The following BEGAIN variants were observed in gnomAD, a reference collection of about 807,000 sequenced individuals.
BEGAIN encodes brain enriched guanylate kinase associated, also known as brain-enriched guanylate kinase-associated protein.
BEGAIN carries 19 observed loss-of-function variants against 35.8 expected under a neutral mutation model. That is an observed-to-expected ratio of 0.53 (90% CI 0.37 to 0.78). The LOEUF (loss-of-function observed/expected upper bound fraction) is 0.78, where lower values mean the gene tolerates loss of function less well. BEGAIN is among the 30% of genes least tolerant of loss of function. The probability of loss-of-function intolerance (pLI) is 0.00; values close to 1 mark genes in which losing one functional copy is unlikely to be tolerated. For synonymous variants in BEGAIN, 462 were observed against 388.6 expected (o/e 1.19, Z -2.22); for missense variants, 795 against 853.6 (o/e 0.93, Z 0.85).
At chr14:100,547,209 T>C (rs931733787) in intron 2 of BEGAIN, 1 of 152,310 alleles carries the variant, frequency 6.6e-6, no homozygotes, top group African/African-American at 2.4e-5. Context: ...GGGTCACTTC[T>C]CTGGGCCAGA....
chr14:100,551,153 C>T (rs10136621), intron 2 of BEGAIN, among the ~76,000 whole-genome samples: 4,878 of 152,284 alleles, frequency 0.032, 246 homozygotes, highest in African/African-American at 0.1. Flanking sequence ...CACCCTGCCC[C>T]GGGGCCCCTG....
In BEGAIN at chr14:100,558,360, A is replaced by C. The variant is rs1368986724; in HGVS notation, c.71+9551T>G. 6.6e-6 allele frequency among the ~76,000 whole-genome samples: 1 copy of C among 151,256 alleles called. No homozygotes were observed. The highest frequency in any genetic ancestry group is 6.6e-5 in the Admixed American group (1 of 15,202). ...ACATGCTGCCTCTCCCTGCTCCCGCACCTCCCACCCTCACTGCGCTCTCCG... is the reference window on the plus strand; with the variant it reads ...ACATGCTGCCTCTCCCTGCTCCCGCCCCTCCCACCCTCACTGCGCTCTCCG... On this transcript the variant is annotated intron_variant, in intron 2 of 6. Transcript: ENST00000554140. This position sits in a 1 kb window ranked among gnomAD's most constrained non-coding sequence, Gnocchi z 4.6.
rs373735168 is a variant in BEGAIN, at chr14:100,538,363, C to T, written c.1445G>A (p.Arg482His). The T allele has an allele frequency of 6.6e-6, 10 of 1,510,834 alleles. No individual in the cohort carries two copies. The highest frequency in any genetic ancestry group is 6.6e-5 in the Admixed American group (3 of 45,540). 93.6% of individuals were successfully genotyped at this position (1,510,834 alleles called of 1,614,324 possible). ...GTAGCTGGCGTAGAGCGGGCTGGCG[C>T]GGCCGTCGGCCTTCTTGCCCGGGCT... is the stretch of plus-strand genomic sequence containing the variant. The part of the protein sequence containing the change: ...GGSPGKKADG[R>H]ASPLYASYKA... The change falls in exon 7 of 7, where the codon CGC (arginine) becomes CAC (histidine). Residue 482 changes from arginine (R) to histidine (H), a missense_variant. Physicochemically the swap from Arg to His is conservative, Grantham distance 29 (BLOSUM62 0). Transcript: ENST00000554140.
rs1238908749 is a variant in BEGAIN at position 100,585,229 on chromosome 14, ATCCCTCCC to A, written c.42+2012_42+2019del. On this transcript the variant is annotated intron_variant, in intron 1 of 6. Transcript: ENST00000554140. ...CATCCATCCATCCATCCATCCATCC[ATCCCTCCC>A]TCCCTCCCTCCCTCCCATCCATCCA... is the stretch of plus-strand genomic sequence containing the variant. 2.6e-3 allele frequency among the ~76,000 whole-genome samples: 52 copies of A among 20,070 alleles called. No homozygotes were observed. In the East Asian group the frequency reaches 0.029, roughly 11 times the overall value. 13.2% of individuals were successfully genotyped at this position (20,070 alleles called of 152,430 possible). A position where few individuals can be genotyped will look rare whatever the true frequency, so the allele number is the denominator to read the frequency against.
At chr14:100,541,554 C>T (rs2031613617) in intron 5 of BEGAIN, among the ~76,000 whole-genome samples, 1 of 152,234 alleles carries the variant, frequency 6.6e-6, no homozygotes, top group Non-Finnish European at 1.5e-5. Context: ...CTCCCTGGGC[C>T]TCCTAGGAAC....
chr14:100,561,494 A>T (rs1005855507), intron 2 of BEGAIN, among the ~76,000 whole-genome samples: 2 of 152,118 alleles, frequency 1.3e-5, no homozygotes, highest in African/African-American at 4.8e-5. Context: ...CATGTCTGTA[A>T]TCCCAGCACT....
At chr14:100,557,978 G>A (rs2139621445) in intron 2 of BEGAIN, among the ~76,000 whole-genome samples, 1 of 152,276 alleles carries the variant, frequency 6.6e-6, no homozygotes, top group South Asian at 2.1e-4. Context: ...GTTACTTACA[G>A]ACCAACCAGG....
rs113306661 is a variant in BEGAIN at position 100,556,971 on chromosome 14, C to T, written c.72-10309G>A. On this transcript the variant is annotated intron_variant, in intron 2 of 6. Coordinates refer to ENST00000554140, the MANE Select transcript of BEGAIN (RefSeq NM_001385089.1). ...CCAACCTGGATTGTAGAGGAAGAGC[C>T]CAGGCCCTGGGTAGCTGCATGGCTG... is the stretch of plus-strand genomic sequence containing the variant. 4.3e-3 allele frequency among the ~76,000 whole-genome samples: 652 copies of T among 152,362 alleles called. 5 individuals are homozygous for T. The highest frequency in any genetic ancestry group is 0.011 in the African/African-American group (476 of 41,588).
At chr14:100,545,688 ATTAC>A (rs1182116037) in intron 3 of BEGAIN, among the ~76,000 whole-genome samples, 2 of 152,142 alleles carry the variant, frequency 1.3e-5, no homozygotes, top group African/African-American at 4.8e-5. Flanking sequence ...TGAAACTTTA[ATTAC>A]TTAAAGCAGT....
At position 100,539,141 on chromosome 14, in the gene BEGAIN, C is replaced by T. The variant is rs771833592; in HGVS notation, c.667G>A (p.Ala223Thr). The T allele has an allele frequency of 3.1e-6, 5 of 1,601,574 alleles. No individual in the cohort carries two copies. Among genetic ancestry groups the T allele is most frequent in the Admixed American group, 3.4e-5 (2 of 59,170 alleles). Residue 223 changes from alanine to threonine, a missense_variant, in exon 7 of 7, where the codon GCC (alanine) becomes ACC (threonine). By Grantham distance (58) the Ala-to-Thr change is moderately conservative. Transcript: ENST00000554140. ...CCGTCGCAGAAGGCCAGGTCGCGGGCGGAGGCATCGGACAGGCGGGAGGAC... is the reference window on the plus strand; with the variant it reads ...CCGTCGCAGAAGGCCAGGTCGCGGGTGGAGGCATCGGACAGGCGGGAGGAC... ...SLSSRLSDAS[A>T]RDLAFCDGVE...
intron 1 of BEGAIN, chr14:100,569,052 AAGGCCCGGCCCCGGGGCCTCGGCC>A (rs2034966081): frequency 4.7e-6 from 3 of 638,372 alleles, no homozygotes; most frequent in Non-Finnish European, 5.8e-6. Context: ...GCCAAGCTAG[AAGGCCCGGCCCCGGGGCCTCGGCC>A]AGGCTCGGCC....
rs2034748911 is a variant in BEGAIN, at chr14:100,567,080, G to A, written c.71+831C>T. 6.6e-6 allele frequency among the ~76,000 whole-genome samples: 1 copy of A among 152,188 alleles called. No individual in the cohort carries two copies. Among genetic ancestry groups the A allele is most frequent in the Non-Finnish European group, 1.5e-5 (1 of 68,020 alleles). On this transcript the variant is annotated intron_variant, in intron 2 of 6. Transcript: ENST00000554140. This position sits in a 1 kb window ranked among gnomAD's most constrained non-coding sequence, Gnocchi z 5.1. The stretch of plus-strand genomic sequence containing the variant: ...CTCGGGAGGGAGTGGCGAGGACGGA[G>A]ACCCTGTGGGCCAGGGGAGACAGTG...
intron 1 of BEGAIN, among the ~76,000 whole-genome samples, chr14:100,575,941 G>A (rs990098040): frequency 1.3e-5 from 2 of 152,158 alleles, no homozygotes; most frequent in African/African-American, 2.4e-5. Flanking sequence ...CCAGAGGACG[G>A]TCTGCGTGGT....
intron 5 of BEGAIN, 115 bp from the exon 6 acceptor site, chr14:100,540,694 C>T (rs1595106370): frequency 2.7e-6 from 2 of 733,484 alleles, no homozygotes; most frequent in Non-Finnish European, 4.6e-6. Context: ...GCTGTGCGCT[C>T]AGCAGGACAA....
chr14:100,577,365 C>T, intron 1 of BEGAIN: 1 of 399,176 alleles, frequency 2.5e-6, no homozygotes, highest in Admixed American at 4.4e-5. Flanking sequence ...TGCCACTGCC[C>T]AAGCAAGGCC....
Position 100,568,948 on chromosome 14 carries a change from C to T in BEGAIN, c.43-1009G>A, listed in dbSNP as rs2034957485. ...CCCGGCCCCTCGCGCCGGGCGCCGC[C>T]GCCGCGTCCGCCGGGAGCGCGCTCC... On this transcript the variant is annotated intron_variant, in intron 1 of 6. Coordinates refer to ENST00000554140, the MANE Select transcript of BEGAIN (RefSeq NM_001385089.1). The surrounding 1 kb of genome is among the most constrained non-coding windows in gnomAD (Gnocchi z 7.5). 2 of 983,430 alleles carry T rather than the reference C, an allele frequency of 2.0e-6. No individual in the cohort carries two copies. The highest frequency in any genetic ancestry group is 2.4e-6 in the Non-Finnish European group (2 of 829,326). The allele number at this position is 983,430 out of a possible 1,614,324, so 60.9% of individuals were successfully genotyped here. A position where few individuals can be genotyped will look rare whatever the true frequency, so the allele number is the denominator to read the frequency against.
chr14:100,564,615 T>A (rs973392342), intron 2 of BEGAIN, among the ~76,000 whole-genome samples: 1 of 151,956 alleles, frequency 6.6e-6, no homozygotes, highest in Non-Finnish European at 1.5e-5. Context: ...GATAGCTGAG[T>A]GTGGCTGAGC....
rs780103998 is a variant in BEGAIN, at chr14:100,538,685, C to G, written c.1123G>C (p.Val375Leu). Reference sequence around the variant, plus strand: ...ACTTCGGCCTCCAGCGGGGCCGCCACCGCGGCCGTGGCCTTGGCAAAGCGA... The same window carrying G: ...ACTTCGGCCTCCAGCGGGGCCGCCAGCGCGGCCGTGGCCTTGGCAAAGCGA... ...SPRFAKATAA[V>L]AAPLEAEVAP... Residue 375 changes from valine to leucine, a missense_variant, in exon 7 of 7, where the codon GTG becomes CTG. Physicochemically the swap from Val to Leu is conservative, Grantham distance 32. This residue lies in a region of BEGAIN where 664 missense variants were observed against 647.7 expected (regional missense o/e 1.03). Transcript: ENST00000554140. 2.6e-5 allele frequency: 40 copies of G among 1,553,586 alleles called. No individual in the cohort carries two copies. The highest frequency in any genetic ancestry group is 3.1e-5 in the Non-Finnish European group (36 of 1,148,700).
chr14:100,552,869 G>A (rs547658616), intron 2 of BEGAIN, among the ~76,000 whole-genome samples: 25 of 152,346 alleles, frequency 1.6e-4, no homozygotes, highest in African/African-American at 5.5e-4. Context: ...TGGACTGGGG[G>A]TTGGCCTGGG....
Sources: gnomAD v4.1 joint callset for allele counts (sites outside exome capture counted in the v4.1 genomes callset) on GRCh38, gnomAD v4.1.1 for gene constraint, gnomAD v4.1.1 regional missense constraint, Gnocchi (gnomAD v3.1) non-coding constraint, MANE v1.5 for transcripts, NCBI Gene and HGNC (gene_info 2026-07-23, HGNC 2026-07-21) for gene names.